KAZN: variants seen among roughly 807,000 people sequenced by gnomAD.
KAZN encodes the protein kazrin, periplakin interacting protein, also known as kazrin.
KAZN carries 40 observed loss-of-function variants against 87.4 expected under a neutral mutation model. The ratio of observed to expected loss-of-function variants is 0.46; its 90% CI spans 0.36 to 0.60. The LOEUF is 0.60. Among genes scored for constraint, KAZN ranks in the 20% least tolerant of loss-of-function variants. KAZN has a pLI of 0.00. For synonymous variants in KAZN, 466 were observed against 458.3 expected, an observed-to-expected ratio of 1.02 and a Z score of -0.22; for missense variants, 898 against 1,073.9, an observed-to-expected ratio of 0.84 and a Z score of 2.29.
intron 2 of KAZN, among the ~76,000 whole-genome samples, chr1:15,030,045 C>A (rs1032755526): frequency 6.6e-6 from 1 of 152,320 alleles, no homozygotes; most frequent in South Asian, 2.1e-4. Flanking sequence ...ACCCATTCCA[C>A]CCCAGCTGTG....
At chr1:14,571,164 T>C in intron 2 of KAZN, among the ~76,000 whole-genome samples, 1 of 152,192 alleles carries the variant, frequency 6.6e-6, no homozygotes, top group East Asian at 1.9e-4. Flanking sequence ...AGACCAAATA[T>C]AACCTTGTAG....
At chr1:14,730,005 G>A (rs1035946855) in intron 1 of KAZN, among the ~76,000 whole-genome samples, 1 of 152,168 alleles carries the variant, frequency 6.6e-6, no homozygotes, top group Non-Finnish European at 1.5e-5. Flanking sequence ...CGATGACAGA[G>A]GCTGCATGTG....
chr1:14,816,112 G>C (rs940099303), intron 1 of KAZN, among the ~76,000 whole-genome samples: 1 of 152,110 alleles, frequency 6.6e-6, no homozygotes, highest in African/African-American at 2.4e-5. Flanking sequence ...GATGGCTTAA[G>C]TCTTCTTCTG....
At chr1:14,894,856 T>A (rs1655094213) in intron 1 of KAZN, among the ~76,000 whole-genome samples, 1 of 152,266 alleles carries the variant, frequency 6.6e-6, no homozygotes, top group Non-Finnish European at 1.5e-5. Context: ...ATCTTTAATT[T>A]GGGCTGAAGA....
intron 1 of KAZN, among the ~76,000 whole-genome samples, chr1:13,947,223 A>G (rs1641179910): frequency 6.6e-6 from 1 of 152,214 alleles, no homozygotes; most frequent in Non-Finnish European, 1.5e-5. Context: ...CACATCTTGC[A>G]TGGGAGCAGG....
intron 1 of KAZN, among the ~76,000 whole-genome samples, chr1:14,036,884 A>T (rs919588922): frequency 6.6e-6 from 1 of 151,742 alleles, no homozygotes; most frequent in Non-Finnish European, 1.5e-5. Flanking sequence ...GGTTCAAGCA[A>T]TTCTCCTGCC....
intron 1 of KAZN, among the ~76,000 whole-genome samples, chr1:13,935,580 G>C (rs1640698047): frequency 6.6e-6 from 1 of 152,166 alleles, no homozygotes; most frequent in Admixed American, 6.6e-5. Flanking sequence ...TGGAGAGCTG[G>C]CCACCTATCT....
At chr1:14,757,131 T>C (rs893026789) in intron 1 of KAZN, among the ~76,000 whole-genome samples, 1 of 152,236 alleles carries the variant, frequency 6.6e-6, no homozygotes, top group African/African-American at 2.4e-5. Flanking sequence ...CTGGATGACT[T>C]ACAACTTAAA....
intron 1 of KAZN, among the ~76,000 whole-genome samples, chr1:14,104,921 C>A (rs193031675): frequency 6.6e-6 from 1 of 152,100 alleles, no homozygotes; most frequent in Non-Finnish European, 1.5e-5. Flanking sequence ...AAATTGTATG[C>A]AATTTTTTTG....
intron 2 of KAZN, among the ~76,000 whole-genome samples, chr1:14,580,516 A>G (rs1390102242): frequency 1.6e-5 from 2 of 126,014 alleles, no homozygotes; most frequent in Non-Finnish European, 3.5e-5. Flanking sequence ...ATAAATAAAT[A>G]AAGTATATTA....
intron 1 of KAZN, among the ~76,000 whole-genome samples, chr1:13,994,139 T>C (rs1639406747): frequency 6.6e-6 from 1 of 152,172 alleles, no homozygotes; most frequent in Non-Finnish European, 1.5e-5. Flanking sequence ...TTTAATTTGG[T>C]TCCAGAATAT....
chr1:14,446,873 C>T (rs1667011049), intron 2 of KAZN, among the ~76,000 whole-genome samples: 1 of 152,020 alleles, frequency 6.6e-6, no homozygotes, highest in Non-Finnish European at 1.5e-5. Context: ...GAAAATTGTG[C>T]TCCATGGATT....
intron 1 of KAZN, among the ~76,000 whole-genome samples, chr1:14,708,838 T>C (rs1642344522): frequency 6.6e-6 from 1 of 152,242 alleles, no homozygotes; most frequent in Non-Finnish European, 1.5e-5. Flanking sequence ...GACTGTCACC[T>C]GATTTTGGTT....
intron 1 of KAZN, among the ~76,000 whole-genome samples, chr1:14,837,272 C>T (rs1463067605): frequency 6.6e-6 from 1 of 152,150 alleles, no homozygotes; most frequent in Non-Finnish European, 1.5e-5. Context: ...GGTCTTGGCT[C>T]ACCGCAACCT....
chr1:15,013,870 G>T (rs951960274), intron 2 of KAZN, among the ~76,000 whole-genome samples: 4 of 152,144 alleles, frequency 2.6e-5, no homozygotes, highest in African/African-American at 7.2e-5. Context: ...TTGGGGTGAG[G>T]TGGGGCAGGG....
At chr1:14,004,127 C>A (rs116788907) in intron 1 of KAZN, among the ~76,000 whole-genome samples, 1,923 of 150,400 alleles carry the variant, frequency 0.013, 41 homozygotes, top group African/African-American at 0.045. Context: ...AAATGTCCAA[C>A]GTCATTAGAA....
At chr1:14,015,698 G>T (rs181581688) in intron 1 of KAZN, among the ~76,000 whole-genome samples, 2 of 149,640 alleles carry the variant, frequency 1.3e-5, no homozygotes, top group Admixed American at 6.6e-5. Flanking sequence ...ATCATCTGAG[G>T]TCAGGAGTTC....
intron 2 of KAZN, among the ~76,000 whole-genome samples, chr1:14,338,326 A>G (rs1657420228): frequency 6.8e-6 from 1 of 146,094 alleles, no homozygotes; most frequent in Admixed American, 6.9e-5. Context: ...AAAAAAAAAT[A>G]CAAAAAAAAT....
intron 1 of KAZN, among the ~76,000 whole-genome samples, chr1:14,930,355 C>T (rs1014505128): frequency 2.6e-5 from 4 of 152,170 alleles, no homozygotes. Flanking sequence ...GAAAAGCTCT[C>T]CTGGGGAATT....
Sources: allele counts gnomAD v4.1 joint callset (sites outside exome capture counted in the v4.1 genomes callset), GRCh38; gene constraint gnomAD v4.1.1; transcripts MANE v1.5; gene names NCBI Gene and HGNC (gene_info 2026-07-23, HGNC 2026-07-21).